ABCA13: variants seen among roughly 807,000 people sequenced by gnomAD.
ABCA13 encodes the protein ATP-binding cassette sub-family A member 13.
ABCA13 carries 476 observed loss-of-function variants against 478.7 expected under a neutral mutation model. The ratio of observed to expected loss-of-function variants is 0.99; its 90% CI spans 0.92 to 1.07. ABCA13 has a LOEUF of 1.07. Ranked by LOEUF, ABCA13 falls within the 50% of genes least tolerant of loss-of-function variation. ABCA13 has a pLI of 0.00. For missense variants in ABCA13, 6,060 were observed against 5,910.6 expected (o/e 1.03, Z -0.83); for synonymous variants, 2,252 against 2,158.9 (o/e 1.04, Z -1.20).
chr7:48,640,558 G>T (rs781273268), intron 59 of ABCA13, among the ~76,000 whole-genome samples: 1 of 152,008 alleles, frequency 6.6e-6, no homozygotes. Flanking sequence ...TTTAATCACC[G>T]ATTATACAAA....
In ABCA13 at chr7:48,455,303, C is replaced by T; in HGVS notation, c.12815+17C>T. On this transcript the variant is annotated intron_variant, in intron 43 of 61. Coordinates refer to ENST00000435803, the MANE Select transcript of ABCA13 (RefSeq NM_152701.5). ...CTTTTTCAGGTAAGTTGTTTTTGTTCCTTTGATTTCGAAATTATGTCGAGG... is the reference window on the plus strand; with the variant it reads ...CTTTTTCAGGTAAGTTGTTTTTGTTTCTTTGATTTCGAAATTATGTCGAGG... 1.3e-6 allele frequency: 2 copies of T among 1,582,478 alleles called. No homozygotes were observed. Among genetic ancestry groups the T allele is most frequent in the Middle Eastern group, 1.7e-4 (1 of 5,984 alleles).
At position 48,239,231 on chromosome 7, in the gene ABCA13, T is replaced by C; in HGVS notation, c.898-10T>C. On this transcript the variant is annotated splice_polypyrimidine_tract_variant and intron_variant, in intron 8 of 61. Coordinates refer to ENST00000435803, the MANE Select transcript of ABCA13 (RefSeq NM_152701.5). ...CTTTATGTCTAAATATTTTTTCATATTGTTGTCAGATTCCCACAGACACTT... is the reference window on the plus strand; with the variant it reads ...CTTTATGTCTAAATATTTTTTCATACTGTTGTCAGATTCCCACAGACACTT... The C allele has an allele frequency of 2.5e-6, 4 of 1,613,620 alleles. No homozygotes were observed. The highest frequency in any genetic ancestry group is 3.4e-6 in the Non-Finnish European group (4 of 1,179,652).
intron 31 of ABCA13, among the ~76,000 whole-genome samples, chr7:48,354,833 G>A (rs577173097): frequency 3.9e-5 from 6 of 152,112 alleles, no homozygotes; most frequent in Middle Eastern, 6.8e-3. Flanking sequence ...CTGAGATCTC[G>A]AAAGAACTCA....
At chr7:48,619,266 T>TG (rs1392557686) in intron 59 of ABCA13, among the ~76,000 whole-genome samples, 1 of 151,926 alleles carries the variant, frequency 6.6e-6, no homozygotes, top group Admixed American at 6.6e-5. Flanking sequence ...CCCTGATCTA[T>TG]GGATAACCTA....
chr7:48,207,112 A>G (rs576779854), intron 3 of ABCA13, among the ~76,000 whole-genome samples: 1 of 152,290 alleles, frequency 6.6e-6, no homozygotes, highest in Non-Finnish European at 1.5e-5. Flanking sequence ...AATGCCTTCC[A>G]GTTGCATCCT....
At chr7:48,353,417 G>A (rs1016107983) in intron 31 of ABCA13, among the ~76,000 whole-genome samples, 2 of 151,528 alleles carry the variant, frequency 1.3e-5, no homozygotes, top group African/African-American at 4.9e-5. Flanking sequence ...AAGCACACTA[G>A]GAAGTAAGTG....
chr7:48,596,869 CT>C (rs1270839231), intron 58 of ABCA13, among the ~76,000 whole-genome samples: 1 of 152,034 alleles, frequency 6.6e-6, no homozygotes, highest in Non-Finnish European at 1.5e-5. Context: ...GGCTTTCTGC[CT>C]CTGTAAATTT....
intron 54 of ABCA13, among the ~76,000 whole-genome samples, chr7:48,525,549 G>T (rs1832829695): frequency 6.6e-6 from 1 of 151,974 alleles, no homozygotes; most frequent in African/African-American, 2.4e-5. Context: ...CTGTTTTTAT[G>T]CTTAGGTTCA....
intron 27 of ABCA13, among the ~76,000 whole-genome samples, chr7:48,319,750 G>T (rs1413351258): frequency 6.6e-6 from 1 of 152,118 alleles, no homozygotes; most frequent in Admixed American, 6.5e-5. Flanking sequence ...CTGGATTTTG[G>T]TCCCCCTTTT....
intron 31 of ABCA13, among the ~76,000 whole-genome samples, chr7:48,366,024 AC>A (rs1204851388): frequency 6.6e-6 from 1 of 152,192 alleles, no homozygotes; most frequent in East Asian, 1.9e-4. Flanking sequence ...ACCACAAAAG[AC>A]CCAGAATAAC....
At chr7:48,175,822 C>A (rs1329010006) in intron 1 of ABCA13, among the ~76,000 whole-genome samples, 1 of 152,142 alleles carries the variant, frequency 6.6e-6, no homozygotes, top group Non-Finnish European at 1.5e-5. Context: ...TTTAATAAAT[C>A]TATCCCTATT....
intron 40 of ABCA13, among the ~76,000 whole-genome samples, chr7:48,411,027 CTTTCT>C (rs1472664377): frequency 2.6e-5 from 3 of 115,626 alleles, no homozygotes; most frequent in African/African-American, 6.4e-5. Context: ...TTCTTTCTTT[CTTTCT>C]TTCTTTCTTT....
At chr7:48,414,786 A>C (rs940173159) in intron 41 of ABCA13, among the ~76,000 whole-genome samples, 2 of 152,138 alleles carry the variant, frequency 1.3e-5, no homozygotes, top group Non-Finnish European at 2.9e-5. Flanking sequence ...TTGATCTTTA[A>C]AATGGAAAAA....
At chr7:48,221,406 C>A in intron 5 of ABCA13, 97 bp downstream of exon 5, 1 of 631,486 alleles carries the variant, frequency 1.6e-6, no homozygotes, top group South Asian at 2.0e-5. Flanking sequence ...AAGATTATTT[C>A]TAATGACTTG....
intron 55 of ABCA13, among the ~76,000 whole-genome samples, chr7:48,550,701 C>G (rs994823002): frequency 6.0e-5 from 9 of 151,088 alleles, no homozygotes; most frequent in Admixed American, 3.3e-4. Flanking sequence ...ACCTACATAC[C>G]TATCTATCTC....
chr7:48,412,619 T>C, intron 41 of ABCA13, 36 bp downstream of exon 41: 1 of 1,546,060 alleles, frequency 6.5e-7, no homozygotes, highest in East Asian at 2.3e-5. Flanking sequence ...TAATTATTTA[T>C]GCCTTTTTGA....
intron 44 of ABCA13, among the ~76,000 whole-genome samples, chr7:48,470,322 A>G (rs1827344686): frequency 6.6e-6 from 1 of 152,196 alleles, no homozygotes; most frequent in Non-Finnish European, 1.5e-5. Context: ...GGGAGCTAGG[A>G]GAAGAATAAG....
Position 48,274,795 on chromosome 7 carries a change from T to C in ABCA13, c.5129T>C (p.Val1710Ala). 3 of 1,613,988 alleles carry C rather than the reference T, an allele frequency of 1.9e-6. No homozygotes were observed. The highest frequency in any genetic ancestry group is 2.5e-6 in the Non-Finnish European group (3 of 1,179,872). The part of the protein sequence containing the change: ...GTGNLVVNLL[V>A]GLMEKFADSS... ...GGCAATTTAGTGGTCAATTTGCTTGTTGGCTTGATGGAAAAATTTGCAGAC... is the reference window on the plus strand; with the variant it reads ...GGCAATTTAGTGGTCAATTTGCTTGCTGGCTTGATGGAAAAATTTGCAGAC... Residue 1710 changes from valine (V) to alanine (A), a missense_variant, in exon 17 of 62, where the codon GTT (valine) becomes GCT (alanine). This residue lies in a region of ABCA13 where 4,423 missense variants were observed against 4,309.1 expected (regional missense o/e 1.03). Transcript: ENST00000435803.
chr7:48,339,959 A>C (rs983164125), intron 29 of ABCA13, among the ~76,000 whole-genome samples: 2 of 152,118 alleles, frequency 1.3e-5, no homozygotes, highest in South Asian at 2.1e-4. Context: ...GCACCCTTTT[A>C]AAATTTATAC....
Sources: gnomAD v4.1 joint callset for allele counts (sites outside exome capture counted in the v4.1 genomes callset) on GRCh38, gnomAD v4.1.1 for gene constraint, gnomAD v4.1.1 regional missense constraint, MANE v1.5 for transcripts, NCBI Gene and HGNC (gene_info 2026-07-23, HGNC 2026-07-21) for gene names.